The following WDHD1 variants were observed in gnomAD, a reference collection of about 807,000 sequenced individuals.
WDHD1 encodes the protein WD repeat and HMG-box DNA-binding protein 1.
Under a neutral mutation model 135.4 loss-of-function variants are expected in WDHD1, and 111 were observed. That is an observed-to-expected ratio of 0.82 (90% confidence interval 0.70 to 0.96). The LOEUF (loss-of-function observed/expected upper bound fraction) is 0.96, where lower values mean the gene tolerates loss of function less well. Among genes scored for constraint, WDHD1 ranks in the 40% least tolerant of loss-of-function variants. WDHD1 has a pLI of 0.00. For missense variants in WDHD1, 1,351 were observed against 1,336.3 expected (o/e 1.01, Z -0.17); for synonymous variants, 434 against 439.0 (o/e 0.99, Z 0.14).
intron 21 of WDHD1, among the ~76,000 whole-genome samples, chr14:54,959,705 C>T (rs1263033737): frequency 6.6e-6 from 1 of 151,968 alleles, no homozygotes; most frequent in Non-Finnish European, 1.5e-5. Flanking sequence ...GAGTTCAAGG[C>T]TGTAGCGAGC....
intron 18 of WDHD1, among the ~76,000 whole-genome samples, chr14:54,963,892 G>C (rs569129388): frequency 1.3e-5 from 2 of 151,116 alleles, no homozygotes; most frequent in Admixed American, 1.3e-4. Flanking sequence ...CAGAGGGACT[G>C]CTAGAGGCCA....
intron 15 of WDHD1, among the ~76,000 whole-genome samples, chr14:54,983,735 T>G (rs1462353261): frequency 1.3e-5 from 2 of 151,810 alleles, no homozygotes; most frequent in African/African-American, 4.8e-5. Flanking sequence ...CCCACTCTGG[T>G]CTTGAACTCC....
intron 3 of WDHD1, among the ~76,000 whole-genome samples, chr14:55,013,024 T>C (rs1038598393): frequency 1.3e-5 from 2 of 152,050 alleles, no homozygotes; most frequent in African/African-American, 2.4e-5. Flanking sequence ...TTTATTTTAA[T>C]TGGTTCACCA....
In WDHD1 at chr14:54,944,461, G is replaced by C. The variant is rs760402958; in HGVS notation, c.3060C>G (p.Thr1020=). Residue 1020 remains threonine (T), a synonymous_variant, in exon 25 of 26, where the codon ACC becomes ACG. Transcript: ENST00000360586. The stretch of plus-strand genomic sequence containing the variant: ...TTTCTTCTAACCACATCTGGAACCC[G>C]GTCTTTGGCCTAAAATCACAATTAT... ...PQNTENQRPK[T]GFQMWLEENR... 6.3e-7 allele frequency: 1 copy of C among 1,583,628 alleles called. No individual in the cohort carries two copies.
At chr14:55,002,055 C>T in intron 8 of WDHD1, 38 bp downstream of exon 8, 1 of 1,452,722 alleles carries the variant, frequency 6.9e-7, no homozygotes, top group Non-Finnish European at 9.5e-7. Flanking sequence ...TTAACTGCTC[C>T]TTATAGCCCA....
intron 24 of WDHD1, among the ~76,000 whole-genome samples, chr14:54,945,859 C>T (rs1422293366): frequency 6.6e-6 from 1 of 152,008 alleles, no homozygotes; most frequent in Non-Finnish European, 1.5e-5. Flanking sequence ...TATGTTTAAC[C>T]CAGCAGCTAT....
At chr14:54,949,483 C>A (rs931493860) in intron 24 of WDHD1, among the ~76,000 whole-genome samples, 3 of 152,056 alleles carry the variant, frequency 2.0e-5, no homozygotes, top group Non-Finnish European at 4.4e-5. Context: ...ACAAAGCCTC[C>A]AAGAAATATG....
At chr14:54,953,358 G>A (rs1278622898) in intron 24 of WDHD1, among the ~76,000 whole-genome samples, 1 of 152,130 alleles carries the variant, frequency 6.6e-6, no homozygotes, top group Non-Finnish European at 1.5e-5. Context: ...GCAGCCAACA[G>A]ACACATGAAA....
At chr14:55,019,266 T>C (rs929051051) in intron 2 of WDHD1, among the ~76,000 whole-genome samples, 23 of 152,240 alleles carry the variant, frequency 1.5e-4, no homozygotes, top group Non-Finnish European at 2.9e-4. Context: ...TTAGATCATA[T>C]GTTTAATGTT....
At chr14:55,026,003 ATAT>A (rs1256795665) in intron 2 of WDHD1, among the ~76,000 whole-genome samples, 1 of 152,206 alleles carries the variant, frequency 6.6e-6, no homozygotes, top group African/African-American at 2.4e-5. Context: ...ATCACTGCAC[ATAT>A]TACTTGTTTC....
intron 24 of WDHD1, 102 bp downstream of exon 24, chr14:54,955,459 T>C: frequency 8.3e-7 from 1 of 1,208,008 alleles, no homozygotes. Flanking sequence ...AATGCCAATG[T>C]ATTATTTGTA....
chr14:54,992,758 T>A (rs903442853), intron 11 of WDHD1, among the ~76,000 whole-genome samples: 2 of 151,120 alleles, frequency 1.3e-5, no homozygotes, highest in Admixed American at 1.3e-4. Context: ...CTACAAAAAA[T>A]AAAAAATTAG....
intron 6 of WDHD1, 29 bp from the exon 7 acceptor site, chr14:55,007,404 C>T: frequency 6.7e-7 from 1 of 1,498,228 alleles, no homozygotes; most frequent in Non-Finnish European, 9.1e-7. Flanking sequence ...AAATTTCTTT[C>T]CTTTATGAAA....
At chr14:54,963,298 T>C (rs751108960) in intron 18 of WDHD1, 126 bp from the exon 19 acceptor site, 9 of 731,368 alleles carry the variant, frequency 1.2e-5, no homozygotes, top group East Asian at 5.4e-5. Flanking sequence ...AATTCTAAGA[T>C]GCACATTTTT....
At chr14:55,021,621 A>G (rs1203163444) in intron 2 of WDHD1, among the ~76,000 whole-genome samples, 1 of 152,178 alleles carries the variant, frequency 6.6e-6, no homozygotes, top group Non-Finnish European at 1.5e-5. Flanking sequence ...CCTGACCTCA[A>G]GTGATCCATC....
chr14:54,943,946 C>T (rs2040878118), intron 25 of WDHD1, among the ~76,000 whole-genome samples: 1 of 151,988 alleles, frequency 6.6e-6, no homozygotes, highest in South Asian at 2.1e-4. Context: ...CAAGACCTGC[C>T]TCAAACAAAA....
chr14:54,948,096 G>A (rs2040963468), intron 24 of WDHD1, among the ~76,000 whole-genome samples: 1 of 151,934 alleles, frequency 6.6e-6, no homozygotes, highest in South Asian at 2.1e-4. Flanking sequence ...CGAATAGGAA[G>A]AGCTTCAGCC....
chr14:54,967,215 A>G, intron 17 of WDHD1, 65 bp downstream of exon 17: 1 of 1,244,672 alleles, frequency 8.0e-7, no homozygotes. Flanking sequence ...GGATAATTTT[A>G]AAGTGTGTGT....
At position 55,026,622 on chromosome 14, in the gene WDHD1, G is replaced by A. The variant is rs1265393045; in HGVS notation, c.77+89C>T. On this transcript the variant is annotated intron_variant, in intron 2 of 25. Transcript: ENST00000360586. ...TTCAACATTATTCCTCTATCCGCATGAGTCATTTTTAGCTGACTGCACATA... is the reference window on the plus strand; with the variant it reads ...TTCAACATTATTCCTCTATCCGCATAAGTCATTTTTAGCTGACTGCACATA... 5 of 1,227,478 alleles carry A rather than the reference G, an allele frequency of 4.1e-6. No homozygotes were observed. The African/African-American group carries it at 5.9e-5, about 15-fold the overall frequency. 76.0% of individuals were successfully genotyped at this position (1,227,478 alleles called of 1,614,324 possible). A position where few individuals can be genotyped will look rare whatever the true frequency, so the allele number is the denominator to read the frequency against.
Sources: gnomAD v4.1 joint callset for allele counts (sites outside exome capture counted in the v4.1 genomes callset) on GRCh38, gnomAD v4.1.1 for gene constraint, MANE v1.5 for transcripts, NCBI Gene and HGNC (gene_info 2026-07-23, HGNC 2026-07-21) for gene names.